HEMK1: variants seen among roughly 807,000 people sequenced by gnomAD.
HEMK1 encodes MTRF1L release factor glutamine methyltransferase.
A neutral mutation model predicts 47.9 loss-of-function variants in HEMK1; 36 were observed. The ratio of observed to expected loss-of-function variants is 0.75; its 90% CI spans 0.58 to 0.99. The LOEUF (loss-of-function observed/expected upper bound fraction) is 0.99, where lower values mean the gene tolerates loss of function less well. Among genes scored for constraint, HEMK1 ranks in the 50% least tolerant of loss-of-function variants. The pLI is 0.00. For synonymous variants in HEMK1, 153 were observed against 165.4 expected, an observed-to-expected ratio of 0.93 and a Z score of 0.57; for missense variants, 383 against 434.5, an observed-to-expected ratio of 0.88 and a Z score of 1.05.
At chr3:50,572,337 T>C (rs1240999340) in intron 4 of HEMK1, 129 bp downstream of exon 4, 6 of 897,044 alleles carry the variant, frequency 6.7e-6, no homozygotes, top group African/African-American at 6.6e-5. Flanking sequence ...TCTAGACATG[T>C]ATTTCCTCTC....
rs1320309404 is a variant in HEMK1 at position 50,583,756 on chromosome 3, C to T, written c.*3339C>T. 4 of 152,372 alleles carry T rather than the reference C, an allele frequency of 2.6e-5. No individual in the cohort carries two copies. The highest frequency in any genetic ancestry group is 9.6e-5 in the African/African-American group (4 of 41,456). The allele number at this position is 152,372 out of a possible 1,614,324, so 9.4% of individuals were successfully genotyped here. On this transcript the variant is annotated 3_prime_UTR_variant, in exon 11 of 11. Coordinates refer to ENST00000232854, the MANE Select transcript of HEMK1 (RefSeq NM_016173.5). Reference sequence around the variant, plus strand: ...CCTTTGCCCAGGCGGTGCAAACAATCCACTTCTTCAAGCTCCAACACAAAT... The same window carrying T: ...CCTTTGCCCAGGCGGTGCAAACAATTCACTTCTTCAAGCTCCAACACAAAT...
rs1377294132 is a variant in HEMK1 at position 50,595,981 on chromosome 3, C to CT, written c.*15565dup. The CT allele has an allele frequency of 6.6e-6, 1 of 152,208 alleles. No homozygotes were observed. Among genetic ancestry groups the CT allele is most frequent in the Non-Finnish European group, 1.5e-5 (1 of 68,046 alleles). 9.4% of individuals were successfully genotyped at this position (152,208 alleles called of 1,614,324 possible). A position where few individuals can be genotyped will look rare whatever the true frequency, so the allele number is the denominator to read the frequency against. On this transcript the variant is annotated 3_prime_UTR_variant, in exon 11 of 11. Coordinates refer to ENST00000232854, the MANE Select transcript of HEMK1 (RefSeq NM_016173.5). ...TTTTAATGTTTAATATTTGGTCCAT[C>CT]TAGAATTTATGGTGGAAGGTGTGAG...
At chr3:50,575,082 T>C (rs1701420735) in intron 4 of HEMK1, among the ~76,000 whole-genome samples, 1 of 151,914 alleles carries the variant, frequency 6.6e-6, no homozygotes, top group South Asian at 2.1e-4. Flanking sequence ...CCTGGGGGTG[T>C]GAGACTCAGA....
Position 50,580,365 on chromosome 3 carries a change from G to A in HEMK1, c.981-16G>A, listed in dbSNP as rs765100147. 2 of 1,614,138 alleles carry A rather than the reference G, an allele frequency of 1.2e-6. No homozygotes were observed. Among genetic ancestry groups the A allele is most frequent in the South Asian group, 2.2e-5 (2 of 91,080 alleles). ...GAGGCCCAGGTGGTAACCAGCCCCT[G>A]TCCCTGTCTCCTCAGGCCCCGGTTC... On this transcript the variant is annotated splice_polypyrimidine_tract_variant and intron_variant, in intron 10 of 10. Coordinates refer to ENST00000232854, the MANE Select transcript of HEMK1 (RefSeq NM_016173.5).
chr3:50,580,006 C>T (rs927210883), intron 9 of HEMK1, 67 bp downstream of exon 9: 1 of 1,525,738 alleles, frequency 6.6e-7, no homozygotes, highest in Non-Finnish European at 9.1e-7. Flanking sequence ...GTGTACTGGG[C>T]AGGCCCTGGC....
In HEMK1 at chr3:50,591,436, G is replaced by C. The variant is rs2031715582; in HGVS notation, c.*11019G>C. The C allele has an allele frequency of 1.3e-5, 2 of 152,292 alleles. No individual in the cohort carries two copies. Among genetic ancestry groups the C allele is most frequent in the Non-Finnish European group, 2.9e-5 (2 of 68,120 alleles). 9.4% of individuals were successfully genotyped at this position (152,292 alleles called of 1,614,324 possible). On this transcript the variant is annotated 3_prime_UTR_variant, in exon 11 of 11. Transcript: ENST00000232854. Reference sequence around the variant, plus strand: ...GCCGTGGGAGGCATTAGGCTCTGGGGAAGCCAAGCAACATCACATGTACAC... The same window carrying C: ...GCCGTGGGAGGCATTAGGCTCTGGGCAAGCCAAGCAACATCACATGTACAC...
At chr3:50,571,839 G>T in intron 3 of HEMK1, 38 bp downstream of exon 3, 1 of 1,583,858 alleles carries the variant, frequency 6.3e-7, no homozygotes, top group Non-Finnish European at 8.7e-7. Context: ...GATGTGTTCA[G>T]GGAGCAGCAG....
chr3:50,579,802 C>A (rs1052800175), intron 8 of HEMK1, 42 bp from the exon 9 acceptor site: 1 of 1,438,724 alleles, frequency 7.0e-7, no homozygotes, highest in African/African-American at 1.4e-5. Context: ...ATTTCAGATA[C>A]CCCTTTCTCA....
rs182186502 is a variant in HEMK1, at chr3:50,579,920, C to T, written c.847C>T (p.Arg283Trp). 1.5e-5 allele frequency: 24 copies of T among 1,613,792 alleles called. No homozygotes were observed. The East Asian group carries it at 1.6e-4, about 10-fold the overall frequency. The change falls in exon 9 of 11, where the codon CGG (arginine) becomes TGG (tryptophan). Residue 283 changes from arginine to tryptophan, a missense_variant. Arg to Trp is a moderately radical substitution (Grantham distance 101, BLOSUM62 -3). Transcript: ENST00000232854. The part of the protein sequence containing the change: ...IITHILALAP[R>W]LLKDSGSIFL... ...TACCCACATTCTGGCCTTGGCACCC[C>T]GGCTCCTGAAAGACTCTGGGTATGA...
rs1313567351 is a variant in HEMK1 at position 50,586,922 on chromosome 3, G to A, written c.*6505G>A. On this transcript the variant is annotated 3_prime_UTR_variant, in exon 11 of 11. Coordinates refer to ENST00000232854, the MANE Select transcript of HEMK1 (RefSeq NM_016173.5). ...AGCAAAGCAAACTAGGACTACAGGT[G>A]TGAACAACCCTGCCTGGCTAATTTT... The A allele has an allele frequency of 1.3e-5, 2 of 152,010 alleles. No individual in the cohort carries two copies. Among genetic ancestry groups the A allele is most frequent in the Non-Finnish European group, 2.9e-5 (2 of 68,064 alleles). 9.4% of individuals were successfully genotyped at this position (152,010 alleles called of 1,614,324 possible).
At chr3:50,572,229 AG>A in intron 4 of HEMK1, 21 bp downstream of exon 4, 1 of 1,603,006 alleles carries the variant, frequency 6.2e-7, no homozygotes. Context: ...CACCAGGGCA[AG>A]GCAGGATCAG....
Position 50,578,822 on chromosome 3 carries a change from A to G in HEMK1, c.666A>G (p.Glu222=). 1 of 1,609,984 alleles carries G rather than the reference A, an allele frequency of 6.2e-7. No homozygotes were observed. Among genetic ancestry groups the G allele is most frequent in the Non-Finnish European group, 8.5e-7 (1 of 1,177,216 alleles). ...IWIIHLDMTS[E]RSWTHLPWGP... Reference sequence around the variant, plus strand: ...GTGTGTCCTCTTCTTTGACGACAGAAAGGAGCTGGACACACCTGCCCTGGG... The same window carrying G: ...GTGTGTCCTCTTCTTTGACGACAGAGAGGAGCTGGACACACCTGCCCTGGG... Residue 222 remains glutamate, a splice_region_variant and synonymous_variant, in exon 8 of 11, where the codon GAA becomes GAG. Transcript: ENST00000232854.
At position 50,587,441 on chromosome 3, in the gene HEMK1, C is replaced by T. The variant is rs67588094; in HGVS notation, c.*7024C>T. On this transcript the variant is annotated 3_prime_UTR_variant, in exon 11 of 11. Coordinates refer to ENST00000232854, the MANE Select transcript of HEMK1 (RefSeq NM_016173.5). This position sits in a 1 kb window ranked among gnomAD's most constrained non-coding sequence, Gnocchi z 4.2. Reference sequence around the variant, plus strand: ...TATCTTACTCAACCTTCATGACATCCTCAGAGATGGAGGCTGTGAACCCTC... The same window carrying T: ...TATCTTACTCAACCTTCATGACATCTTCAGAGATGGAGGCTGTGAACCCTC... 0.1 allele frequency: 15,293 copies of T among 152,288 alleles called. 950 individuals are homozygous for T. The highest frequency in any genetic ancestry group is 0.13 in the Non-Finnish European group (8,893 of 68,024). 9.4% of individuals were successfully genotyped at this position (152,288 alleles called of 1,614,324 possible). A position where few individuals can be genotyped will look rare whatever the true frequency, so the allele number is the denominator to read the frequency against.
At chr3:50,580,336 C>G (rs1216185649) in intron 10 of HEMK1, 45 bp from the exon 11 acceptor site, 1 of 1,613,004 alleles carries the variant, frequency 6.2e-7, no homozygotes, top group East Asian at 2.2e-5. Flanking sequence ...CCTGTTCATT[C>G]CCTGAGGCCC....
chr3:50,579,864 T>C lies in HEMK1; in HGVS notation c.791T>C (p.Leu264Pro), dbSNP rs151187041. The change falls in exon 9 of 11, where the codon CTG becomes CCG. Residue 264 changes from leucine to proline, a missense_variant. By Grantham distance (98) the Leu-to-Pro change is moderately conservative. Coordinates refer to ENST00000232854, the MANE Select transcript of HEMK1 (RefSeq NM_016173.5). ...EIRSYEDPAA[L>P]DGGEEGMDII... ...TTCAGCTATGAAGACCCCGCGGCCCTGGATGGTGGGGAGGAGGGCATGGAC... is the reference window on the plus strand; with the variant it reads ...TTCAGCTATGAAGACCCCGCGGCCCCGGATGGTGGGGAGGAGGGCATGGAC... 1.2e-5 allele frequency: 19 copies of C among 1,613,812 alleles called. No homozygotes were observed. Among genetic ancestry groups the C allele is most frequent in the Middle Eastern group, 1.7e-4 (1 of 6,056 alleles).
At position 50,571,743 on chromosome 3, in the gene HEMK1, C is replaced by G. The variant is rs146775787; in HGVS notation, c.262C>G (p.Pro88Ala). 98 of 1,614,056 alleles carry G rather than the reference C, an allele frequency of 6.1e-5. No individual in the cohort carries two copies. The highest frequency in any genetic ancestry group is 7.9e-5 in the Non-Finnish European group (93 of 1,180,030). Residue 88 changes from proline (P) to alanine (A), a missense_variant, in exon 3 of 11, where the codon CCC becomes GCC. By Grantham distance (27) the Pro-to-Ala change is conservative. Transcript: ENST00000232854. ...QSLRPALWTQ[P>A]LTSQQLQCIR... The stretch of plus-strand genomic sequence containing the variant: ...CCTGAGGCCGGCACTTTGGACCCAG[C>G]CCTTGACCTCTCAGCAACTACAGTG...
intron 7 of HEMK1, among the ~76,000 whole-genome samples, 191 bp downstream of exon 7, chr3:50,578,066 G>A (rs1449902947): frequency 6.6e-6 from 1 of 152,186 alleles, no homozygotes; most frequent in African/African-American, 2.4e-5. Flanking sequence ...GGACAGACAA[G>A]GTGCTTTTGC....
At chr3:50,572,369 G>GA (rs1373811010) in intron 4 of HEMK1, among the ~76,000 whole-genome samples, 161 bp downstream of exon 4, 1 of 152,182 alleles carries the variant, frequency 6.6e-6, no homozygotes, top group Non-Finnish European at 1.5e-5. Context: ...GCAGAGCCCA[G>GA]AGGACAGAGG....
chr3:50,577,277 C>T, intron 5 of HEMK1, 91 bp downstream of exon 5: 3 of 1,451,516 alleles, frequency 2.1e-6, no homozygotes, highest in Non-Finnish European at 2.8e-6. Flanking sequence ...GCTAGGAGCG[C>T]TTGAGGGGAA....
Sources: gnomAD v4.1 joint callset for allele counts (sites outside exome capture counted in the v4.1 genomes callset) on GRCh38, gnomAD v4.1.1 for gene constraint, Gnocchi (gnomAD v3.1) non-coding constraint, MANE v1.5 for transcripts, NCBI Gene and HGNC (gene_info 2026-07-23, HGNC 2026-07-21) for gene names.